Variants in HOXD3 observed in about 807,000 individuals in gnomAD.
The protein encoded by HOXD3 is homeobox protein Hox-D3.
HOXD3 carries 13 observed loss-of-function variants against 32.8 expected under a neutral mutation model. That is an observed-to-expected ratio of 0.40 (90% CI 0.26 to 0.63). HOXD3 has a LOEUF of 0.63. HOXD3 is among the 20% of genes least tolerant of loss of function. The pLI, the probability that HOXD3 is intolerant of heterozygous loss-of-function variation, is 0.44. For missense variants in HOXD3, 504 were observed against 577.1 expected (o/e 0.87, Z 1.30); for synonymous variants, 241 against 246.8 (o/e 0.98, Z 0.22).
In HOXD3 at chr2:176,170,961, C is replaced by G. The variant is rs1274745336; in HGVS notation, c.542-556C>G. 2.6e-5 allele frequency among the ~76,000 whole-genome samples: 4 copies of G among 152,136 alleles called. No homozygotes were observed. In the South Asian group the frequency reaches 8.3e-4, roughly 32 times the overall value. On this transcript the variant is annotated intron_variant, in intron 3 of 3. Transcript: ENST00000683222. The stretch of plus-strand genomic sequence containing the variant: ...TTTTTATTTTTTGGTTTGTCACCTC[C>G]CTGGCTTTGAGTGCAGTTGGGCTGC...
At chr2:176,157,802 G>C (rs1302113115) in intron 1 of HOXD3, among the ~76,000 whole-genome samples, 2 of 152,160 alleles carry the variant, frequency 1.3e-5, no homozygotes, top group Non-Finnish European at 2.9e-5. Flanking sequence ...GCTGCTCCAA[G>C]ACAACAGGAG....
At chr2:176,155,987 G>A (rs1378343503), upstream of HOXD3, among the ~76,000 whole-genome samples, 1 of 152,126 alleles carries the variant, frequency 6.6e-6, no homozygotes, top group East Asian at 1.9e-4. Flanking sequence ...TGCTGCCACT[G>A]ATTAAAGTAT....
chr2:176,162,976 C>T (rs908838860), intron 1 of HOXD3, among the ~76,000 whole-genome samples: 1 of 152,204 alleles, frequency 6.6e-6, no homozygotes, highest in African/African-American at 2.4e-5. Flanking sequence ...TACCTCGGGC[C>T]TCCACCGCAC....
At chr2:176,158,957 C>T (rs556698657) in intron 1 of HOXD3, among the ~76,000 whole-genome samples, 232 of 152,192 alleles carry the variant, frequency 1.5e-3, no homozygotes, top group Non-Finnish European at 2.8e-3. Flanking sequence ...CGGGCACTGG[C>T]CCGGGCTATT....
At chr2:176,163,684 T>TAA (rs1690879349) in intron 1 of HOXD3, among the ~76,000 whole-genome samples, 1 of 152,166 alleles carries the variant, frequency 6.6e-6, no homozygotes, top group African/African-American at 2.4e-5. Flanking sequence ...ACCTTAATTC[T>TAA]GCACGGTCTC....
At chr2:176,165,127 C>T (rs894782199) in intron 2 of HOXD3, 3 of 152,252 alleles carry the variant, frequency 2.0e-5, no homozygotes, top group African/African-American at 7.2e-5. Flanking sequence ...CTACGCGGAG[C>T]CTGCTTTCCA....
chr2:176,154,075 A>AC (rs765814190), upstream of HOXD3, among the ~76,000 whole-genome samples: 11 of 151,836 alleles, frequency 7.2e-5, no homozygotes, highest in East Asian at 2.1e-3. Flanking sequence ...AAAAAAAAAA[A>AC]CCCTAATTGA....
upstream of HOXD3, among the ~76,000 whole-genome samples, chr2:176,156,533 C>A (rs953021084): frequency 3.3e-5 from 5 of 152,060 alleles, no homozygotes; most frequent in Non-Finnish European, 5.9e-5. Context: ...GGTTCTGGGC[C>A]GAGCTGAGGC....
chr2:176,158,392 C>G (rs761663208), intron 1 of HOXD3, among the ~76,000 whole-genome samples: 3 of 152,232 alleles, frequency 2.0e-5, no homozygotes, highest in Admixed American at 6.5e-5. Flanking sequence ...CACCCCATCC[C>G]CAGCTTGCCA....
upstream of HOXD3, among the ~76,000 whole-genome samples, chr2:176,155,630 C>G (rs184388289): frequency 2.6e-5 from 4 of 152,146 alleles, no homozygotes; most frequent in Non-Finnish European, 5.9e-5. Flanking sequence ...GGTAGGGCCC[C>G]GTAACCACTT....
chr2:176,153,075 CGGACTAGG>C (rs1489543550), upstream of HOXD3: 1 of 597,672 alleles, frequency 1.7e-6, no homozygotes. Flanking sequence ...AGGCCGCCCT[CGGACTAGG>C]TTAGCATCCT....
chr2:176,153,111 T>G, upstream of HOXD3: 7 of 367,414 alleles, frequency 1.9e-5, no homozygotes, highest in Non-Finnish European at 2.1e-5. Context: ...GGCAGCCCCC[T>G]CCCTAGAGCG....
intron 2 of HOXD3, chr2:176,164,620 A>G (rs1690904555): frequency 6.6e-6 from 1 of 152,182 alleles, no homozygotes; most frequent in Admixed American, 6.5e-5. Flanking sequence ...ATGCTCAGCA[A>G]AAGTCTTGGC....
rs747973152 is a variant in HOXD3, at chr2:176,172,280, G to A, written c.*6G>A. ...CCAAACTGACGCATCTGTAGCGGCCGCCGCCAGCCCGAACTCGCGGCAAAA... is the reference window on the plus strand; with the variant it reads ...CCAAACTGACGCATCTGTAGCGGCCACCGCCAGCCCGAACTCGCGGCAAAA... On this transcript the variant is annotated 3_prime_UTR_variant, in exon 4 of 4. Coordinates refer to ENST00000683222, the MANE Select transcript of HOXD3 (RefSeq NM_006898.5). The A allele has an allele frequency of 3.8e-6, 6 of 1,583,376 alleles. No individual in the cohort carries two copies. The highest frequency in any genetic ancestry group is 5.1e-6 in the Non-Finnish European group (6 of 1,168,218).
At chr2:176,157,023 G>A (rs892703760), upstream of HOXD3, among the ~76,000 whole-genome samples, 239 of 152,134 alleles carry the variant, frequency 1.6e-3, 26 homozygotes, top group Non-Finnish European at 1.2e-4. Context: ...TCGCGGGCAG[G>A]GATGAGGAGG....
chr2:176,170,690 C>T (rs1323063225), intron 3 of HOXD3, among the ~76,000 whole-genome samples: 2 of 152,064 alleles, frequency 1.3e-5, no homozygotes, highest in African/African-American at 4.8e-5. Flanking sequence ...CTGCCTGCAA[C>T]CTCCTTTTCC....
intron 2 of HOXD3, chr2:176,165,060 G>T (rs182183041): frequency 1.3e-5 from 2 of 152,268 alleles, no homozygotes; most frequent in African/African-American, 2.4e-5. Context: ...CCTGCTGCTC[G>T]CAGGGTGCAA....
chr2:176,161,533 G>C (rs888757043), intron 1 of HOXD3, among the ~76,000 whole-genome samples: 2 of 152,180 alleles, frequency 1.3e-5, no homozygotes, highest in Non-Finnish European at 2.9e-5. Context: ...CTGCCGGGCT[G>C]GGTGCAGGCG....
chr2:176,154,360 A>C (rs1690602883), upstream of HOXD3, among the ~76,000 whole-genome samples: 1 of 152,176 alleles, frequency 6.6e-6, no homozygotes, highest in African/African-American at 2.4e-5. Flanking sequence ...CCTCAAGCAT[A>C]AGGAGGAAGA....
Sources: gnomAD v4.1 joint callset for allele counts (sites outside exome capture counted in the v4.1 genomes callset) on GRCh38, gnomAD v4.1.1 for gene constraint, MANE v1.5 for transcripts, NCBI Gene and HGNC (gene_info 2026-07-23, HGNC 2026-07-21) for gene names.